PLEKHG5: variants seen among roughly 807,000 people sequenced by gnomAD.
PLEKHG5 encodes the protein pleckstrin homology and RhoGEF domain containing G5, also known as pleckstrin homology domain-containing family G member 5.
A neutral mutation model predicts 103.8 loss-of-function variants in PLEKHG5; 52 were observed. The ratio of observed to expected loss-of-function variants is 0.50; its 90% CI spans 0.40 to 0.63. PLEKHG5 has a LOEUF of 0.63. PLEKHG5 is among the 30% of genes least tolerant of loss of function. The pLI is 0.00. For missense variants in PLEKHG5, 1,205 were observed against 1,347.6 expected, an observed-to-expected ratio of 0.89 and a Z score of 1.66; for synonymous variants, 592 against 575.5, an observed-to-expected ratio of 1.03 and a Z score of -0.41.
chr1:6,470,387 C>T, intron 15 of PLEKHG5, 32 bp from the exon 16 acceptor site: 1 of 1,613,504 alleles, frequency 6.2e-7, no homozygotes. Context: ...GTAGGGGAGG[C>T]CAGAGACTGA....
chr1:6,500,400 T>C (rs1244683495), upstream of PLEKHG5, among the ~76,000 whole-genome samples: 1 of 152,092 alleles, frequency 6.6e-6, no homozygotes, highest in Non-Finnish European at 1.5e-5. Flanking sequence ...CTCCTCTGCC[T>C]GCCCCGGGCT....
rs193245630 is a variant in PLEKHG5, at chr1:6,468,267, G to C, written c.2569C>G (p.Arg857Gly). The change falls in exon 20 of 21, where the codon CGT (arginine) becomes GGT (glycine). Residue 857 changes from arginine (R) to glycine (G), a missense_variant. Transcript: ENST00000377728. ...TGGACAGGGGTGCGGCGGCGGAGACGGGGCGAGGGTGGAGGGGAAGGAACT... is the reference window on the plus strand; with the variant it reads ...TGGACAGGGGTGCGGCGGCGGAGACCGGGCGAGGGTGGAGGGGAAGGAACT... Reference protein sequence around the residue: ...PRVPSPPPSPRLRRRTPVQLL... With the variant: ...PRVPSPPPSPGLRRRTPVQLL... 1.9e-6 allele frequency: 3 copies of C among 1,605,188 alleles called. No homozygotes were observed. The highest frequency in any genetic ancestry group is 2.2e-5 in the South Asian group (2 of 90,620).
In PLEKHG5 at chr1:6,505,508, C is replaced by T. The variant is rs1638289008; in HGVS notation, c.-164-8939G>A. ...CCCCCAGGAGCAGTCCAACGTCCCA[C>T]CCCTCTAAACACAAGCCACGGGGCT... On this transcript the variant is annotated intron_variant, in intron 1 of 21. Coordinates refer to the PLEKHG5 transcript ENST00000377740. This position sits in a 1 kb window ranked among gnomAD's most constrained non-coding sequence, Gnocchi z 4.2. Among the ~76,000 whole-genome samples the T allele has an allele frequency of 6.6e-6, 1 of 152,196 alleles. No individual in the cohort carries two copies. Among genetic ancestry groups the T allele is most frequent in the Non-Finnish European group, 1.5e-5 (1 of 68,038 alleles).
At chr1:6,512,167 C>T (rs1442306557) in intron 1 of PLEKHG5, among the ~76,000 whole-genome samples, 2 of 152,334 alleles carry the variant, frequency 1.3e-5, no homozygotes, top group South Asian at 2.1e-4. Flanking sequence ...CTGCCCATGT[C>T]GCTCGGAAGG....
At chr1:6,492,748 A>G (rs2148623777), upstream of PLEKHG5, among the ~76,000 whole-genome samples, 1 of 152,230 alleles carries the variant, frequency 6.6e-6, no homozygotes, top group African/African-American at 2.4e-5. Flanking sequence ...ACAGCTGGAA[A>G]AAAGTAGGTT....
At chr1:6,484,470 AC>A (rs1219929528) in intron 1 of PLEKHG5, among the ~76,000 whole-genome samples, 1 of 152,210 alleles carries the variant, frequency 6.6e-6, no homozygotes, top group Non-Finnish European at 1.5e-5. Flanking sequence ...GATCTGGTTG[AC>A]GATGAAGTTC....
At chr1:6,468,979 A>C (rs1644480430) in intron 19 of PLEKHG5, 63 bp downstream of exon 19, 1 of 1,371,304 alleles carries the variant, frequency 7.3e-7, no homozygotes, top group Non-Finnish European at 1.0e-6. Flanking sequence ...CTGGGCCTTC[A>C]GGAGTCCTGG....
rs753859692 is a variant in PLEKHG5 at position 6,469,535 on chromosome 1, G to C, written c.1933+9C>G. 4 of 1,613,728 alleles carry C rather than the reference G, an allele frequency of 2.5e-6. No individual in the cohort carries two copies. Among genetic ancestry groups the C allele is most frequent in the Non-Finnish European group, 3.4e-6 (4 of 1,180,048 alleles). On this transcript the variant is annotated intron_variant, in intron 17 of 20. Transcript: ENST00000377728. Reference sequence around the variant, plus strand: ...CCCTGACCAGGAACAGGGGACCAGGGCTCCTTACCAGGGTCCCGTAGCTCC... The same window carrying C: ...CCCTGACCAGGAACAGGGGACCAGGCCTCCTTACCAGGGTCCCGTAGCTCC...
At chr1:6,497,236 C>T, upstream of PLEKHG5, 4 of 864,966 alleles carry the variant, frequency 4.6e-6, no homozygotes, top group Middle Eastern at 1.3e-3. The surrounding 1 kb of genome is among the most constrained non-coding windows in gnomAD (Gnocchi z 6.1). Context: ...TTGCCTGGAG[C>T]GGGCCCTCCC....
At chr1:6,497,169 G>C, upstream of PLEKHG5, 1 of 909,134 alleles carries the variant, frequency 1.1e-6, no homozygotes, top group Non-Finnish European at 1.7e-6. The surrounding 1 kb of genome is among the most constrained non-coding windows in gnomAD (Gnocchi z 6.1). Flanking sequence ...GGCAGGCCCC[G>C]ACTTGGGGGC....
At chr1:6,497,197 G>T (rs1054780101), upstream of PLEKHG5, 2 of 861,436 alleles carry the variant, frequency 2.3e-6, no homozygotes, top group Non-Finnish European at 3.7e-6. The surrounding 1 kb of genome is among the most constrained non-coding windows in gnomAD (Gnocchi z 6.1). Flanking sequence ...GGGTACGAGC[G>T]GCCCGAAGCC....
chr1:6,514,845 A>G (rs1415420154), intron 1 of PLEKHG5, among the ~76,000 whole-genome samples: 1 of 151,970 alleles, frequency 6.6e-6, no homozygotes, highest in Non-Finnish European at 1.5e-5. Context: ...AGGCAGGTAG[A>G]TCACCTTAGG....
chr1:6,471,148 GC>G (rs763602396), intron 12 of PLEKHG5, 48 bp from the exon 13 acceptor site: 1 of 1,468,898 alleles, frequency 6.8e-7, no homozygotes, highest in South Asian at 1.2e-5. Context: ...CGCGCTCCCT[GC>G]GGGCCGGCCC....
rs763536868 is a variant in PLEKHG5 at position 6,486,179 on chromosome 1, C to T, written c.-88+5458G>A. Among the ~76,000 whole-genome samples the T allele has an allele frequency of 1.3e-5, 2 of 152,092 alleles. No homozygotes were observed. The highest frequency in any genetic ancestry group is 4.8e-5 in the African/African-American group (2 of 41,422). ...CGCCTCGGAGCCTCAGCCCAGGGGA[C>T]CCCTTCTTACTCCCAGCAAGGGAGC... On this transcript the variant is annotated intron_variant, in intron 1 of 20. Transcript: ENST00000377728. This position sits in a 1 kb window ranked among gnomAD's most constrained non-coding sequence, Gnocchi z 5.3.
chr1:6,485,192 C>T (rs1644997762), intron 1 of PLEKHG5: 1 of 586,270 alleles, frequency 1.7e-6, no homozygotes, highest in Non-Finnish European at 2.5e-6. Flanking sequence ...CGCCATGGGC[C>T]GCATCCTTCC....
At chr1:6,474,680 G>T in intron 5 of PLEKHG5, 93 bp from the exon 6 acceptor site, 1 of 1,009,830 alleles carries the variant, frequency 9.9e-7, no homozygotes, top group Non-Finnish European at 1.3e-6. Context: ...CCCACCCACA[G>T]CCCCAGCTGC....
chr1:6,506,480 G>A (rs1344224947), intron 1 of PLEKHG5, among the ~76,000 whole-genome samples: 5 of 152,210 alleles, frequency 3.3e-5, no homozygotes, highest in East Asian at 3.8e-4. Flanking sequence ...ACAGAGGCCC[G>A]GAAAAGAGTG....
intron 5 of PLEKHG5, 126 bp from the exon 6 acceptor site, chr1:6,474,713 G>C: frequency 1.0e-6 from 1 of 964,144 alleles, no homozygotes; most frequent in Non-Finnish European, 1.6e-6. Flanking sequence ...AACGGAAAAG[G>C]GAAGCCCGCA....
intron 1 of PLEKHG5, among the ~76,000 whole-genome samples, chr1:6,509,542 C>G (rs1336691582): frequency 6.6e-6 from 1 of 152,228 alleles, no homozygotes; most frequent in Non-Finnish European, 1.5e-5. Context: ...CGCCAGGAAG[C>G]CACGGCCACT....
Sources: gnomAD v4.1 joint callset for allele counts (sites outside exome capture counted in the v4.1 genomes callset) on GRCh38, gnomAD v4.1.1 for gene constraint, Gnocchi (gnomAD v3.1) non-coding constraint, MANE v1.5 for transcripts, NCBI Gene and HGNC (gene_info 2026-07-23, HGNC 2026-07-21) for gene names.